Variants in CCDC12 observed in about 807,000 individuals in gnomAD.
CCDC12 encodes coiled-coil domain containing 12, also known as coiled-coil domain-containing protein 12.
Under a neutral mutation model 25.7 loss-of-function variants are expected in CCDC12, and 28 were observed. That is an observed-to-expected ratio of 1.09 (90% confidence interval 0.81 to 1.50). The LOEUF (loss-of-function observed/expected upper bound fraction) is 1.50. Ranked by LOEUF, CCDC12 falls within the 40% of genes most tolerant of loss-of-function variation. The probability of loss-of-function intolerance (pLI) is 0.00; values close to 1 mark genes in which losing one functional copy is unlikely to be tolerated. For synonymous variants in CCDC12, 75 were observed against 87.7 expected (o/e 0.86, Z 0.81); for missense variants, 198 against 210.0 (o/e 0.94, Z 0.35).
rs1318367368 is a variant in CCDC12 at position 46,922,041 on chromosome 3, T to C, written c.*16A>G. On this transcript the variant is annotated 3_prime_UTR_variant, in exon 7 of 7. Coordinates refer to ENST00000683445, the MANE Select transcript of CCDC12 (RefSeq NM_001277074.2). The stretch of plus-strand genomic sequence containing the variant: ...CAGGACAGGCCTGATGGGCGAGTGG[T>C]GGGGCAGGGCATGCCTCAGTCGGAG... 6.2e-7 allele frequency: 1 copy of C among 1,613,098 alleles called. No individual in the cohort carries two copies. Among genetic ancestry groups the C allele is most frequent in the Non-Finnish European group, 8.5e-7 (1 of 1,179,846 alleles).
chr3:46,950,044 AAAG>A (rs1475083395), intron 1 of CCDC12, among the ~76,000 whole-genome samples: 2 of 151,154 alleles, frequency 1.3e-5, no homozygotes, highest in Non-Finnish European at 3.0e-5. Context: ...AAAAAAAAGA[AAAG>A]AAAAAAAAAC....
At chr3:46,964,417 C>T (rs1194742652) in intron 1 of CCDC12, among the ~76,000 whole-genome samples, 1 of 152,330 alleles carries the variant, frequency 6.6e-6, no homozygotes, top group East Asian at 1.9e-4. Flanking sequence ...AAGTGAGGAG[C>T]CCCTCTACCC....
chr3:46,950,445 G>A (rs944203844), intron 1 of CCDC12, among the ~76,000 whole-genome samples: 3 of 151,526 alleles, frequency 2.0e-5, no homozygotes, highest in Admixed American at 6.6e-5. Flanking sequence ...CTGCATAGGA[G>A]TAGCTAGGAC....
intron 1 of CCDC12, among the ~76,000 whole-genome samples, chr3:46,959,282 C>A (rs1296595884): frequency 2.6e-5 from 4 of 152,134 alleles, no homozygotes; most frequent in African/African-American, 9.7e-5. Context: ...GAGTCAATAC[C>A]CAGCACTAAC....
At chr3:46,954,167 A>G (rs967621188) in intron 1 of CCDC12, among the ~76,000 whole-genome samples, 1 of 152,186 alleles carries the variant, frequency 6.6e-6, no homozygotes, top group Non-Finnish European at 1.5e-5. Context: ...GGACTGGAAC[A>G]ACCACCCAGA....
intron 2 of CCDC12, among the ~76,000 whole-genome samples, chr3:46,940,184 C>T (rs954048878): frequency 6.6e-6 from 1 of 152,164 alleles, no homozygotes; most frequent in Non-Finnish European, 1.5e-5. Context: ...AGCTTTGCCT[C>T]GCTCACCCCA....
intron 1 of CCDC12, among the ~76,000 whole-genome samples, chr3:46,959,679 C>A (rs919713601): frequency 2.6e-5 from 4 of 152,164 alleles, no homozygotes; most frequent in African/African-American, 9.7e-5. Flanking sequence ...GAATCCAAGT[C>A]AGAAAACGCT....
In CCDC12 at chr3:46,937,702, C is replaced by G. The variant is rs1422577535; in HGVS notation, c.164+3296G>C. Among the ~76,000 whole-genome samples the G allele has an allele frequency of 2.0e-5, 3 of 152,148 alleles. No homozygotes were observed. In the East Asian group the frequency reaches 5.8e-4, roughly 29 times the overall value. ...TGGGGTACAAATAAAAAGCAAGATCCCCTGGGATGGACACGGCCTCTGCTG... is the reference window on the plus strand; with the variant it reads ...TGGGGTACAAATAAAAAGCAAGATCGCCTGGGATGGACACGGCCTCTGCTG... On this transcript the variant is annotated intron_variant, in intron 2 of 6. Transcript: ENST00000683445.
At chr3:46,956,005 A>G (rs956122382) in intron 1 of CCDC12, among the ~76,000 whole-genome samples, 1 of 152,242 alleles carries the variant, frequency 6.6e-6, no homozygotes, top group African/African-American at 2.4e-5. Flanking sequence ...AAACTTAACC[A>G]GTGGCTCAGG....
chr3:46,965,470 C>G (rs2034610888), intron 1 of CCDC12, among the ~76,000 whole-genome samples: 1 of 152,226 alleles, frequency 6.6e-6, no homozygotes, highest in South Asian at 2.1e-4. Flanking sequence ...TGAATAGCCA[C>G]CCATCTGCCT....
intron 1 of CCDC12, among the ~76,000 whole-genome samples, chr3:46,966,437 C>T (rs1421593642): frequency 6.6e-6 from 1 of 151,870 alleles, no homozygotes; most frequent in East Asian, 1.9e-4. Flanking sequence ...GGCTTGAGCA[C>T]GGGGCGGGGC....
At chr3:46,928,557 T>C (rs191906818) in intron 2 of CCDC12, among the ~76,000 whole-genome samples, 105 of 152,260 alleles carry the variant, frequency 6.9e-4, no homozygotes, top group African/African-American at 2.5e-3. Context: ...AAAAGTGTGT[T>C]TAAGCAGAAA....
chr3:46,976,419 C>G, intron 1 of CCDC12: 1 of 1,420,928 alleles, frequency 7.0e-7, no homozygotes, highest in Non-Finnish European at 9.2e-7. Flanking sequence ...TTGCCCACCC[C>G]CGCGCATGCG....
upstream of CCDC12, chr3:46,979,911 A>G: frequency 2.4e-6 from 1 of 415,318 alleles, no homozygotes. Flanking sequence ...TACTACGCGC[A>G]GGTGAGCCCG....
chr3:46,964,965 A>T (rs2034596499), intron 1 of CCDC12, among the ~76,000 whole-genome samples: 1 of 151,790 alleles, frequency 6.6e-6, no homozygotes. Context: ...ATAAAATAAA[A>T]TAAATAAAAT....
intron 2 of CCDC12, among the ~76,000 whole-genome samples, chr3:46,939,891 C>T (rs1207201167): frequency 1.3e-5 from 2 of 152,212 alleles, no homozygotes; most frequent in Non-Finnish European, 2.9e-5. Context: ...GGAAAGCCTG[C>T]TCTGGTGTGG....
At chr3:46,947,704 T>G (rs2033960103) in intron 1 of CCDC12, among the ~76,000 whole-genome samples, 1 of 152,124 alleles carries the variant, frequency 6.6e-6, no homozygotes, top group South Asian at 2.1e-4. Context: ...GACCAAGAGT[T>G]CCTAGAGGGC....
intron 2 of CCDC12, among the ~76,000 whole-genome samples, chr3:46,938,009 C>A (rs1255957965): frequency 6.6e-6 from 1 of 152,178 alleles, no homozygotes; most frequent in Non-Finnish European, 1.5e-5. Context: ...TGCTAGAAGT[C>A]CACCTGCCCA....
At chr3:46,980,585 G>T (rs2107234521), upstream of CCDC12, among the ~76,000 whole-genome samples, 1 of 152,232 alleles carries the variant, frequency 6.6e-6, no homozygotes, top group South Asian at 2.1e-4. Context: ...CCAGGGTGAG[G>T]GTGGGTCCTT....
Sources: gnomAD v4.1 joint callset for allele counts (sites outside exome capture counted in the v4.1 genomes callset) on GRCh38, gnomAD v4.1.1 for gene constraint, MANE v1.5 for transcripts, NCBI Gene and HGNC (gene_info 2026-07-23, HGNC 2026-07-21) for gene names.